The following CSMD1 variants were observed in gnomAD, a reference collection of about 807,000 sequenced individuals.
The protein encoded by CSMD1 is CUB and sushi domain-containing protein 1.
A neutral mutation model predicts 417.5 loss-of-function variants in CSMD1; 213 were observed. The ratio of observed to expected loss-of-function variants is 0.51; its 90% CI spans 0.46 to 0.57. The LOEUF is 0.57. CSMD1 is among the 20% of genes least tolerant of loss of function. The pLI is 0.00. For missense variants in CSMD1, 6,923 were observed against 4,529.7 expected, an observed-to-expected ratio of 1.53 and a Z score of -15.17; for synonymous variants, 2,862 against 1,736.8, an observed-to-expected ratio of 1.65 and a Z score of -16.11.
intron 1 of CSMD1, among the ~76,000 whole-genome samples, chr8:4,924,523 G>A (rs1341799158): frequency 6.6e-6 from 1 of 151,966 alleles, no homozygotes; most frequent in Non-Finnish European, 1.5e-5. Flanking sequence ...AGGAGTTCGA[G>A]ACCAGCCTGG....
intron 26 of CSMD1, among the ~76,000 whole-genome samples, chr8:3,272,191 C>G (rs1801914506): frequency 6.8e-6 from 1 of 146,846 alleles, no homozygotes; most frequent in Admixed American, 6.9e-5. Flanking sequence ...ATAGGGAATG[C>G]TTTCCCCATT....
intron 1 of CSMD1, among the ~76,000 whole-genome samples, chr8:4,675,335 A>T (rs1315920283): frequency 6.6e-6 from 1 of 152,192 alleles, no homozygotes. Context: ...TTGTAAAATA[A>T]ATGAGTGTAG....
At chr8:3,317,503 TA>T (rs1385102135) in intron 23 of CSMD1, among the ~76,000 whole-genome samples, 1 of 152,198 alleles carries the variant, frequency 6.6e-6, no homozygotes, top group Non-Finnish European at 1.5e-5. Context: ...TTTTCCCAAT[TA>T]AGTGTTTGTT....
intron 3 of CSMD1, among the ~76,000 whole-genome samples, chr8:4,216,927 C>G (rs941871929): frequency 1.3e-5 from 2 of 152,208 alleles, no homozygotes; most frequent in African/African-American, 4.8e-5. Flanking sequence ...TTTCAAAAGC[C>G]AACAGCTCCA....
intron 1 of CSMD1, among the ~76,000 whole-genome samples, chr8:4,658,858 G>C (rs1261430073): frequency 6.6e-6 from 1 of 152,056 alleles, no homozygotes; most frequent in Non-Finnish European, 1.5e-5. Context: ...ACATGGTCTG[G>C]GGTTGGGAGT....
chr8:4,494,682 A>T (rs1801891341), intron 2 of CSMD1, among the ~76,000 whole-genome samples: 1 of 150,272 alleles, frequency 6.7e-6, no homozygotes, highest in South Asian at 2.1e-4. Context: ...TCCTGCCATT[A>T]AAAAAAAAGA....
chr8:3,093,886 G>A (rs1009600252), intron 47 of CSMD1, among the ~76,000 whole-genome samples: 1 of 152,254 alleles, frequency 6.6e-6, no homozygotes, highest in Middle Eastern at 3.4e-3. Context: ...TAAATTTCCT[G>A]GGAGATGCCC....
rs556289109 is a variant in CSMD1 at position 3,420,061 on chromosome 8, T to A, written c.1562-10456A>T. Among the ~76,000 whole-genome samples, 37 of 152,306 alleles carry A rather than the reference T, an allele frequency of 2.4e-4. 1 individual carries two copies. In the South Asian group the frequency reaches 7.0e-3, roughly 29 times the overall value. ...AAATAGAGCCCAGGGTATATTAAGT[T>A]CTATCTCTTTGCTATTATTATTAAC... On this transcript the variant is annotated intron_variant, in intron 12 of 69. Coordinates refer to ENST00000635120, the MANE Select transcript of CSMD1 (RefSeq NM_033225.6).
At chr8:3,419,284 G>C (rs1489900722) in intron 12 of CSMD1, among the ~76,000 whole-genome samples, 2 of 152,180 alleles carry the variant, frequency 1.3e-5, no homozygotes, top group Non-Finnish European at 2.9e-5. Context: ...TGATTCTTGA[G>C]TTCAGGTTCA....
intron 3 of CSMD1, among the ~76,000 whole-genome samples, chr8:4,224,383 T>A (rs374822030): frequency 3.9e-5 from 6 of 152,306 alleles, no homozygotes; most frequent in Middle Eastern, 3.4e-3. Flanking sequence ...CATATTTTGA[T>A]GCCAATTCAA....
chr8:3,494,891 G>T (rs74657086), intron 10 of CSMD1, among the ~76,000 whole-genome samples: 1 of 152,074 alleles, frequency 6.6e-6, no homozygotes. Flanking sequence ...AAAGAAAAGA[G>T]TAAGTGGTAG....
intron 7 of CSMD1, among the ~76,000 whole-genome samples, chr8:3,690,621 T>C (rs1223285911): frequency 6.6e-6 from 1 of 152,212 alleles, no homozygotes; most frequent in Non-Finnish European, 1.5e-5. Context: ...ATATCATAGC[T>C]TCCACTCTCA....
At chr8:3,396,157 C>T in intron 17 of CSMD1, 37 bp downstream of exon 17, 1 of 1,528,366 alleles carries the variant, frequency 6.5e-7, no homozygotes, top group African/African-American at 1.4e-5. Context: ...CCCATGCATG[C>T]TGCCCTGCCG....
chr8:3,611,943 C>T (rs1447217902), intron 8 of CSMD1, among the ~76,000 whole-genome samples: 2 of 152,028 alleles, frequency 1.3e-5, no homozygotes, highest in Non-Finnish European at 2.9e-5. Context: ...TTTAAGATGA[C>T]ATCATTTGCC....
chr8:3,966,850 C>T (rs1464509834), intron 5 of CSMD1, among the ~76,000 whole-genome samples: 1 of 152,164 alleles, frequency 6.6e-6, no homozygotes, highest in African/African-American at 2.4e-5. Context: ...AGACACTAAG[C>T]TCTATTATGC....
chr8:4,637,248 C>T (rs1802876880), intron 2 of CSMD1, 94 bp downstream of exon 2: 3 of 1,148,084 alleles, frequency 2.6e-6, no homozygotes, highest in Non-Finnish European at 3.8e-6. Context: ...GAACCAACTC[C>T]GGACACAATA....
At chr8:4,377,662 A>T (rs993276367) in intron 3 of CSMD1, among the ~76,000 whole-genome samples, 2 of 152,170 alleles carry the variant, frequency 1.3e-5, no homozygotes, top group African/African-American at 4.8e-5. Context: ...CTTTTTAGCA[A>T]AGTATATATT....
At chr8:4,580,831 C>G (rs567605807) in intron 2 of CSMD1, among the ~76,000 whole-genome samples, 32 of 152,326 alleles carry the variant, frequency 2.1e-4, no homozygotes, top group African/African-American at 7.7e-4. Flanking sequence ...CTTGTACATA[C>G]TGCCCGCTTC....
intron 12 of CSMD1, among the ~76,000 whole-genome samples, chr8:3,459,357 A>C (rs1816354097): frequency 6.6e-6 from 1 of 152,164 alleles, no homozygotes; most frequent in South Asian, 2.1e-4. Flanking sequence ...CAGCGGCCGT[A>C]ATATGACGGG....
Sources: allele counts gnomAD v4.1 joint callset (sites outside exome capture counted in the v4.1 genomes callset), GRCh38; gene constraint gnomAD v4.1.1; transcripts MANE v1.5; gene names NCBI Gene and HGNC (gene_info 2026-07-23, HGNC 2026-07-21).